Variants in APBA2 observed in about 807,000 individuals in gnomAD.
APBA2 encodes the protein amyloid beta precursor protein binding family A member 2, also known as amyloid-beta A4 precursor protein-binding family A member 2.
APBA2 carries 30 observed loss-of-function variants against 75.0 expected under a neutral mutation model. The ratio of observed to expected loss-of-function variants is 0.40; its 90% CI spans 0.30 to 0.54. The LOEUF (loss-of-function observed/expected upper bound fraction) is 0.54, where lower values mean the gene tolerates loss of function less well. Ranked by LOEUF, APBA2 falls within the 20% of genes least tolerant of loss-of-function variation. The pLI is 0.49. For missense variants in APBA2, 801 were observed against 1,016.1 expected (o/e 0.79, Z 2.88); for synonymous variants, 444 against 409.6 (o/e 1.08, Z -1.01).
In APBA2 at chr15:28,988,575, T is replaced by TTTG. The variant is rs2038052334; in HGVS notation, c.-94-7177_-94-7175dup. ...CACCGCGCCCATCCAGTGTGCCTTTTTTGCTTAACATTATGTTTGTGAGAT... is the reference window on the plus strand; with the variant it reads ...CACCGCGCCCATCCAGTGTGCCTTTTTTGTTGCTTAACATTATGTTTGTGAGAT... On this transcript the variant is annotated intron_variant, in intron 2 of 14. Coordinates refer to ENST00000683413, the MANE Select transcript of APBA2 (RefSeq NM_001353788.2). 2.6e-5 allele frequency among the ~76,000 whole-genome samples: 4 copies of TTTG among 152,216 alleles called. No individual in the cohort carries two copies. In the South Asian group the frequency reaches 8.3e-4, roughly 32 times the overall value.
intron 8 of APBA2, among the ~76,000 whole-genome samples, chr15:29,094,938 A>G (rs952762286): frequency 2.6e-5 from 4 of 151,204 alleles, no homozygotes; most frequent in African/African-American, 7.3e-5. Context: ...ATGATGGCAC[A>G]TGCCTGAAGT....
intron 8 of APBA2, among the ~76,000 whole-genome samples, chr15:29,097,029 C>T (rs1334149072): frequency 2.0e-5 from 3 of 152,202 alleles, no homozygotes; most frequent in Admixed American, 6.5e-5. Flanking sequence ...CTACAGGTGA[C>T]GAATTAGGCC....
chr15:28,959,238 C>T lies in APBA2; in HGVS notation c.-94-36515C>T, dbSNP rs531907082. Among the ~76,000 whole-genome samples, 175 of 152,306 alleles carry T rather than the reference C, an allele frequency of 1.1e-3. 2 individuals carry two copies. The South Asian group carries it at 0.015, about 13-fold the overall frequency. ...TCTTGACCTCATGATCCACCTGCCTCGGCCTCCCAAAGTGCTGGGATTACA... is the reference window on the plus strand; with the variant it reads ...TCTTGACCTCATGATCCACCTGCCTTGGCCTCCCAAAGTGCTGGGATTACA... On this transcript the variant is annotated intron_variant, in intron 2 of 14. Transcript: ENST00000683413.
rs1038374622 is a variant in APBA2 at position 28,890,620 on chromosome 15, AGAG to A, written c.-205+4345_-205+4347del. On this transcript the variant is annotated intron_variant, in intron 1 of 14. Coordinates refer to ENST00000683413, the MANE Select transcript of APBA2 (RefSeq NM_001353788.2). Reference sequence around the variant, plus strand: ...GAGAAAGGGACTGGGAGGTTGGAAAAGAGGATGGGATTTGGAGTAACAGGAGCT... The same window carrying A: ...GAGAAAGGGACTGGGAGGTTGGAAAAGATGGGATTTGGAGTAACAGGAGCT... Among the ~76,000 whole-genome samples, 50 of 152,126 alleles carry A rather than the reference AGAG, an allele frequency of 3.3e-4. 1 individual carries two copies. Among genetic ancestry groups the A allele is most frequent in the Non-Finnish European group, 1.5e-5 (1 of 68,034 alleles).
At chr15:29,030,743 G>T (rs79008563) in intron 3 of APBA2, among the ~76,000 whole-genome samples, 2,253 of 132,064 alleles carry the variant, frequency 0.017, 58 homozygotes, top group African/African-American at 0.065. Context: ...GTGTGTGTGT[G>T]TGTGTGTGTG....
At chr15:29,103,437 T>C (rs974524119) in intron 10 of APBA2, among the ~76,000 whole-genome samples, 1 of 152,186 alleles carries the variant, frequency 6.6e-6, no homozygotes, top group African/African-American at 2.4e-5. Flanking sequence ...CAGGCTTGGC[T>C]GCGAGTTGGG....
At chr15:28,908,534 C>T (rs146330640) in intron 1 of APBA2, among the ~76,000 whole-genome samples, 371 of 152,132 alleles carry the variant, frequency 2.4e-3, no homozygotes, top group Non-Finnish European at 4.2e-3. Context: ...TGGTCTCGAT[C>T]TCCTGACCTC....
intron 2 of APBA2, among the ~76,000 whole-genome samples, chr15:28,942,205 A>T (rs2035271333): frequency 6.6e-6 from 1 of 152,230 alleles, no homozygotes; most frequent in South Asian, 2.1e-4. Flanking sequence ...CTGGTGCAGG[A>T]TGTGGCGCTT....
chr15:29,107,266 A>AG (rs1357744037), intron 12 of APBA2, among the ~76,000 whole-genome samples: 4 of 152,190 alleles, frequency 2.6e-5, no homozygotes, highest in Non-Finnish European at 4.4e-5. Flanking sequence ...TTAAGTAAGG[A>AG]GGCCACCCTG....
At chr15:28,972,600 C>T (rs904999578) in intron 2 of APBA2, among the ~76,000 whole-genome samples, 3 of 152,140 alleles carry the variant, frequency 2.0e-5, no homozygotes, top group Non-Finnish European at 4.4e-5. Flanking sequence ...GGAAAGAAAA[C>T]GTGAGTGAAG....
intron 4 of APBA2, 135 bp from the exon 5 acceptor site, chr15:29,074,786 C>T (rs73370229): frequency 0.029 from 20,988 of 724,700 alleles, 1,294 homozygotes; most frequent in African/African-American, 0.19. Flanking sequence ...ATTAAATAGA[C>T]GTCTGCACAC....
At chr15:29,011,732 CATA>C (rs2039412410) in intron 3 of APBA2, among the ~76,000 whole-genome samples, 3 of 152,158 alleles carry the variant, frequency 2.0e-5, no homozygotes, top group Admixed American at 6.5e-5. Context: ...TCCAGCTGCT[CATA>C]ATGTCTGTGT....
intron 1 of APBA2, among the ~76,000 whole-genome samples, chr15:28,901,945 T>TGTGTG (rs546149569): frequency 1.9e-3 from 269 of 140,618 alleles, no homozygotes; most frequent in Middle Eastern, 3.7e-3. Flanking sequence ...TGTGTGTATG[T>TGTGTG]TGGGGGTCTG....
chr15:29,045,779 A>G (rs558429845), intron 3 of APBA2, among the ~76,000 whole-genome samples: 8 of 152,168 alleles, frequency 5.3e-5, no homozygotes, highest in East Asian at 3.8e-4. Flanking sequence ...ATTCCTCTCT[A>G]TATTTCCTAT....
At chr15:28,926,297 C>T (rs1376240030) in intron 2 of APBA2, among the ~76,000 whole-genome samples, 3 of 152,128 alleles carry the variant, frequency 2.0e-5, no homozygotes, top group African/African-American at 4.8e-5. Flanking sequence ...GCCATTTTAT[C>T]TCCTTTCATA....
At position 29,099,170 on chromosome 15, in the gene APBA2, TGATCTTTTGTG is replaced by T. The variant is rs376506520; in HGVS notation, c.1338+596_1338+606del. 6.1e-3 allele frequency among the ~76,000 whole-genome samples: 927 copies of T among 152,280 alleles called. 6 individuals carry two copies. Among genetic ancestry groups the T allele is most frequent in the Middle Eastern group, 0.02 (6 of 294 alleles). The stretch of plus-strand genomic sequence containing the variant: ...CTTCACAGACTTTGACTTCATTTTC[TGATCTTTTGTG>T]GGCAAACCATCTGGACTAGATCCCC... On this transcript the variant is annotated intron_variant, in intron 9 of 14. Transcript: ENST00000683413.
At chr15:28,967,853 C>T (rs1034877958) in intron 2 of APBA2, among the ~76,000 whole-genome samples, 1 of 152,194 alleles carries the variant, frequency 6.6e-6, no homozygotes, top group East Asian at 1.9e-4. Context: ...ACGTTAAGGA[C>T]ATTGACATTG....
At chr15:29,050,252 A>G (rs189906567) in intron 3 of APBA2, among the ~76,000 whole-genome samples, 1 of 152,340 alleles carries the variant, frequency 6.6e-6, no homozygotes, top group East Asian at 1.9e-4. Context: ...TGTGAAAAGG[A>G]TGCAATACAA....
chr15:28,961,969 G>C (rs1267090724), intron 2 of APBA2, among the ~76,000 whole-genome samples: 1 of 152,174 alleles, frequency 6.6e-6, no homozygotes, highest in Admixed American at 6.5e-5. Flanking sequence ...GGACAGTTGA[G>C]AGAGAAAAGG....
Sources: allele counts gnomAD v4.1 joint callset (sites outside exome capture counted in the v4.1 genomes callset), GRCh38; gene constraint gnomAD v4.1.1; transcripts MANE v1.5; gene names NCBI Gene and HGNC (gene_info 2026-07-23, HGNC 2026-07-21).